SMYD1: variants seen among roughly 807,000 people sequenced by gnomAD.
SMYD1 encodes histone-lysine N-methyltransferase SMYD1.
Under a neutral mutation model 54.0 loss-of-function variants are expected in SMYD1, and 49 were observed. The observed-to-expected ratio is 0.91, with a 90% confidence interval of 0.72 to 1.15. SMYD1 has a LOEUF of 1.15. SMYD1 is among the 50% of genes most tolerant of loss of function. The pLI, the probability that SMYD1 is intolerant of heterozygous loss-of-function variation, is 0.00. For synonymous variants in SMYD1, 269 were observed against 234.2 expected (o/e 1.15, Z -1.36); for missense variants, 653 against 639.6 (o/e 1.02, Z -0.23).
chr2:88,089,980 A>G (rs1674427997), intron 3 of SMYD1, among the ~76,000 whole-genome samples: 1 of 152,124 alleles, frequency 6.6e-6, no homozygotes, highest in South Asian at 2.1e-4. Flanking sequence ...AGGTCTGGGG[A>G]CTAGGGCTAG....
At chr2:88,076,011 T>A (rs1300367979) in intron 1 of SMYD1, among the ~76,000 whole-genome samples, 1 of 152,170 alleles carries the variant, frequency 6.6e-6, no homozygotes, top group Non-Finnish European at 1.5e-5. Context: ...AAACTCAGCC[T>A]ATCTCTCGAG....
At position 88,110,764 on chromosome 2, in the gene SMYD1, AT is replaced by A; in HGVS notation, c.*253del. 2.4e-6 allele frequency: 1 copy of A among 409,682 alleles called. No homozygotes were observed. The highest frequency in any genetic ancestry group is 4.1e-5 in the East Asian group (1 of 24,462). 25.4% of individuals were successfully genotyped at this position (409,682 alleles called of 1,614,324 possible). On this transcript the variant is annotated 3_prime_UTR_variant, in exon 10 of 10. Transcript: ENST00000419482. ...ATTGGATGATAGGCCCTAGAACCCAATAAAGGAGCTCCAAATGTCGTTGGGT... is the reference window on the plus strand; with the variant it reads ...ATTGGATGATAGGCCCTAGAACCCAAAAAGGAGCTCCAAATGTCGTTGGGT...
intron 8 of SMYD1, among the ~76,000 whole-genome samples, chr2:88,107,118 G>A (rs191545435): frequency 6.3e-4 from 96 of 152,126 alleles, no homozygotes; most frequent in African/African-American, 1.7e-3. Flanking sequence ...GGAGAATGGC[G>A]TGAACCTGGG....
In SMYD1 at chr2:88,076,417, G is replaced by A. The variant is rs553864255; in HGVS notation, c.138-7899G>A. 3.9e-5 allele frequency among the ~76,000 whole-genome samples: 6 copies of A among 152,178 alleles called. No individual in the cohort carries two copies. In the East Asian group the frequency reaches 9.7e-4, roughly 25 times the overall value. Reference sequence around the variant, plus strand: ...TTTGTTTGTTTTTAGTAGAGACGGGGTTTCGCCGTGTTGGCCAGGATGTTC... The same window carrying A: ...TTTGTTTGTTTTTAGTAGAGACGGGATTTCGCCGTGTTGGCCAGGATGTTC... On this transcript the variant is annotated intron_variant, in intron 1 of 9. Transcript: ENST00000419482.
At chr2:88,103,558 C>A (rs1674776286) in intron 7 of SMYD1, among the ~76,000 whole-genome samples, 1 of 152,150 alleles carries the variant, frequency 6.6e-6, no homozygotes, top group African/African-American at 2.4e-5. Context: ...GAGCATTCAA[C>A]CTTGGCTCTT....
rs1558857682 is a variant in SMYD1, at chr2:88,103,069, AGTG to A, written c.904_906del (p.Val302del). On this transcript the variant is annotated inframe_deletion, in exon 7 of 10. Transcript: ENST00000419482. ...TCTCTCTTTCCCAGCCCTCTCAGGA[AGTG>A]GTGAAGGAGATGATACAATTCTCCA... The A allele has an allele frequency of 9.3e-6, 15 of 1,613,926 alleles. No homozygotes were observed. In the South Asian group the frequency reaches 1.6e-4, roughly 18 times the overall value.
At chr2:88,103,195 G>A (rs940873899) in intron 7 of SMYD1, 45 bp downstream of exon 7, 2 of 1,549,926 alleles carry the variant, frequency 1.3e-6, no homozygotes, top group Non-Finnish European at 8.9e-7. Flanking sequence ...AAAGGAGGGT[G>A]GAAACATTCT....
intron 1 of SMYD1, chr2:88,083,306 A>G (rs1381253652): frequency 6.6e-6 from 1 of 152,120 alleles, no homozygotes; most frequent in East Asian, 1.9e-4. Context: ...CTCACTCTGG[A>G]TGTCAGGCTG....
Position 88,112,392 on chromosome 2 carries a change from G to C in SMYD1, c.*1880G>C. The C allele has an allele frequency of 1.9e-6, 1 of 514,630 alleles. No individual in the cohort carries two copies. Among genetic ancestry groups the C allele is most frequent in the South Asian group, 2.6e-5 (1 of 38,778 alleles). The allele number at this position is 514,630 out of a possible 1,614,324, so 31.9% of individuals were successfully genotyped here. A position where few individuals can be genotyped will look rare whatever the true frequency, so the allele number is the denominator to read the frequency against. ...TCCTTCCCTCTCAGACCACTGGAAT[G>C]CAAGTCCTTCTTCCCTTTGGAATGT... On this transcript the variant is annotated 3_prime_UTR_variant, in exon 10 of 10. Coordinates refer to ENST00000419482, the MANE Select transcript of SMYD1 (RefSeq NM_198274.4).
At chr2:88,072,257 T>C (rs1208464385) in intron 1 of SMYD1, among the ~76,000 whole-genome samples, 1 of 152,092 alleles carries the variant, frequency 6.6e-6, no homozygotes, top group East Asian at 1.9e-4. Flanking sequence ...CTCAAGTGAT[T>C]CTCCTGCCTC....
At chr2:88,093,096 C>T (rs1020181760) in intron 4 of SMYD1, among the ~76,000 whole-genome samples, 2 of 152,216 alleles carry the variant, frequency 1.3e-5, no homozygotes, top group African/African-American at 4.8e-5. Context: ...AACCAGACTC[C>T]ATGTGCACTT....
At chr2:88,081,168 G>T (rs911233574) in intron 1 of SMYD1, among the ~76,000 whole-genome samples, 12 of 152,266 alleles carry the variant, frequency 7.9e-5, no homozygotes, top group African/African-American at 2.6e-4. Flanking sequence ...CTCCCAAAGT[G>T]CTGGGATTAC....
intron 1 of SMYD1, among the ~76,000 whole-genome samples, chr2:88,075,935 AC>A (rs955311109): frequency 1.1e-4 from 16 of 151,368 alleles, no homozygotes; most frequent in African/African-American, 3.9e-4. Flanking sequence ...CTATATGTAC[AC>A]CCCCACACCG....
In SMYD1 at chr2:88,075,265, G is replaced by A. The variant is rs1477287843; in HGVS notation, c.137+7264G>A. ...ATAATTCTTAAATCCAGAAGTCTGA[G>A]AATGATTGCCTTTTAAAGATGGATT... On this transcript the variant is annotated intron_variant, in intron 1 of 9. Transcript: ENST00000419482. 5.9e-5 allele frequency among the ~76,000 whole-genome samples: 9 copies of A among 152,274 alleles called. No individual in the cohort carries two copies. In the East Asian group the frequency reaches 1.7e-3, roughly 29 times the overall value.
chr2:88,081,366 G>T (rs544381601), intron 1 of SMYD1, among the ~76,000 whole-genome samples: 1 of 152,106 alleles, frequency 6.6e-6, no homozygotes, highest in South Asian at 2.1e-4. Context: ...TGGAAACTCT[G>T]TCTTGACTGC....
chr2:88,097,692 T>C (rs1674626348), intron 6 of SMYD1, among the ~76,000 whole-genome samples: 1 of 152,184 alleles, frequency 6.6e-6, no homozygotes, highest in Non-Finnish European at 1.5e-5. Flanking sequence ...TATTGCCAAG[T>C]AAGATTTCAT....
intron 1 of SMYD1, among the ~76,000 whole-genome samples, chr2:88,077,503 C>T (rs951828354): frequency 1.3e-5 from 2 of 152,190 alleles, no homozygotes; most frequent in Non-Finnish European, 2.9e-5. Context: ...AAAAACATCT[C>T]TTTGAAATGG....
At position 88,108,351 on chromosome 2, in the gene SMYD1, T is replaced by C. The variant is rs1674930345; in HGVS notation, c.1146-20T>C. ...AAGGGTGATTGGTATGATGTATAAT[T>C]ATCTGCTATGCTCCCACAGGAAGCT... On this transcript the variant is annotated intron_variant, in intron 8 of 9. Transcript: ENST00000419482. The C allele has an allele frequency of 6.5e-7, 1 of 1,548,404 alleles. No individual in the cohort carries two copies. Among genetic ancestry groups the C allele is most frequent in the South Asian group, 1.3e-5 (1 of 78,344 alleles).
chr2:88,091,465 C>G (rs1226747862), intron 4 of SMYD1, among the ~76,000 whole-genome samples: 1 of 151,998 alleles, frequency 6.6e-6, no homozygotes, highest in Non-Finnish European at 1.5e-5. Context: ...AAGGTCTCAG[C>G]AGGAATCAGG....
Sources: allele counts gnomAD v4.1 joint callset (sites outside exome capture counted in the v4.1 genomes callset), GRCh38; gene constraint gnomAD v4.1.1; transcripts MANE v1.5; gene names NCBI Gene and HGNC (gene_info 2026-07-23, HGNC 2026-07-21).